Variants in RABGAP1L observed in about 807,000 individuals in gnomAD.
The protein encoded by RABGAP1L is RAB GTPase activating protein 1 like, also known as rab GTPase-activating protein 1-like.
RABGAP1L carries 63 observed loss-of-function variants against 137.7 expected under a neutral mutation model. That is an observed-to-expected ratio of 0.46 (90% CI 0.37 to 0.56). The LOEUF (loss-of-function observed/expected upper bound fraction) is 0.56. RABGAP1L is among the 20% of genes least tolerant of loss of function. The pLI is 0.00. For synonymous variants in RABGAP1L, 431 were observed against 433.7 expected, an observed-to-expected ratio of 0.99 and a Z score of 0.08; for missense variants, 1,095 against 1,244.0, an observed-to-expected ratio of 0.88 and a Z score of 1.80.
chr1:174,865,951 A>G (rs1199985753), intron 19 of RABGAP1L, among the ~76,000 whole-genome samples: 2 of 152,116 alleles, frequency 1.3e-5, no homozygotes, highest in Non-Finnish European at 2.9e-5. Context: ...GTACAAAGAG[A>G]ACAATGTAGG....
intron 13 of RABGAP1L, among the ~76,000 whole-genome samples, chr1:174,429,513 G>A (rs540773946): frequency 9.9e-5 from 15 of 152,140 alleles, no homozygotes; most frequent in Admixed American, 8.5e-4. Flanking sequence ...AGGCTGAGGC[G>A]GGTGGATCAC....
At chr1:174,834,630 G>A (rs1692544720) in intron 19 of RABGAP1L, among the ~76,000 whole-genome samples, 1 of 108,910 alleles carries the variant, frequency 9.2e-6, no homozygotes, top group African/African-American at 3.6e-5. Flanking sequence ...CCATTAACCT[G>A]TTCTTCCCAC....
chr1:174,941,623 G>A (rs761620273), intron 19 of RABGAP1L, among the ~76,000 whole-genome samples: 5 of 152,064 alleles, frequency 3.3e-5, no homozygotes, highest in African/African-American at 4.8e-5. Context: ...GGAGACCTAT[G>A]GCCATGCCTG....
chr1:174,783,821 G>A (rs1687229016), intron 18 of RABGAP1L, among the ~76,000 whole-genome samples: 1 of 146,888 alleles, frequency 6.8e-6, no homozygotes, highest in Non-Finnish European at 1.5e-5. Context: ...TGATTCTCCT[G>A]CCTCAGTCTC....
chr1:174,402,384 A>G (rs968310957), intron 13 of RABGAP1L, among the ~76,000 whole-genome samples: 14 of 152,262 alleles, frequency 9.2e-5, no homozygotes, highest in African/African-American at 2.9e-4. Flanking sequence ...GCACTATCTC[A>G]TTTCTATATA....
intron 13 of RABGAP1L, among the ~76,000 whole-genome samples, chr1:174,419,462 T>C (rs948449543): frequency 2.6e-4 from 40 of 152,230 alleles, no homozygotes; most frequent in Non-Finnish European, 5.1e-4. Flanking sequence ...TCTGGCTCAC[T>C]TTAGTTTTAA....
intron 13 of RABGAP1L, among the ~76,000 whole-genome samples, chr1:174,410,325 C>G (rs1015495231): frequency 6.6e-6 from 1 of 152,088 alleles, no homozygotes; most frequent in Non-Finnish European, 1.5e-5. Flanking sequence ...AGGTTTTCTT[C>G]TAGATTTTTA....
intron 13 of RABGAP1L, among the ~76,000 whole-genome samples, chr1:174,612,491 C>T (rs1671355308): frequency 2.0e-5 from 3 of 152,304 alleles, no homozygotes; most frequent in Admixed American, 6.5e-5. Flanking sequence ...CATCAATGTT[C>T]ACCAAGGATA....
At chr1:174,402,125 G>A (rs189992484) in intron 13 of RABGAP1L, among the ~76,000 whole-genome samples, 1 of 152,288 alleles carries the variant, frequency 6.6e-6, no homozygotes, top group Admixed American at 6.5e-5. Context: ...GAGACATTAT[G>A]TCTAGTGCTT....
chr1:174,837,690 G>T (rs1692912400), intron 19 of RABGAP1L, among the ~76,000 whole-genome samples: 1 of 152,158 alleles, frequency 6.6e-6, no homozygotes, highest in Non-Finnish European at 1.5e-5. Context: ...CTGTGTCCTG[G>T]TTGAAATTCT....
intron 13 of RABGAP1L, among the ~76,000 whole-genome samples, chr1:174,495,944 C>T (rs1260251978): frequency 1.3e-5 from 2 of 152,046 alleles, no homozygotes; most frequent in Admixed American, 6.6e-5. Context: ...GCTCTCGAAC[C>T]CTGGACACAA....
At chr1:174,983,405 G>T (rs180939268) in intron 24 of RABGAP1L, among the ~76,000 whole-genome samples, 2 of 152,238 alleles carry the variant, frequency 1.3e-5, no homozygotes, top group East Asian at 1.9e-4. Context: ...TTGTTTACTT[G>T]CTGCCCCCTG....
chr1:174,674,488 T>C (rs1237486787), intron 14 of RABGAP1L, among the ~76,000 whole-genome samples: 1 of 150,844 alleles, frequency 6.6e-6, no homozygotes, highest in Non-Finnish European at 1.5e-5. Flanking sequence ...AGTCTATCAT[T>C]ATTGGACATT....
intron 17 of RABGAP1L, among the ~76,000 whole-genome samples, chr1:174,749,597 A>C (rs1684179479): frequency 6.6e-6 from 1 of 152,138 alleles, no homozygotes; most frequent in Non-Finnish European, 1.5e-5. Context: ...TTATTATCTA[A>C]AAACCTGGAA....
chr1:174,330,700 G>A (rs1680958056), intron 11 of RABGAP1L, among the ~76,000 whole-genome samples: 1 of 152,036 alleles, frequency 6.6e-6, no homozygotes, highest in Non-Finnish European at 1.5e-5. Context: ...CAATATAAAT[G>A]AATTGAAAGA....
chr1:174,710,765 A>G (rs1489037298), intron 17 of RABGAP1L, among the ~76,000 whole-genome samples: 2 of 152,236 alleles, frequency 1.3e-5, no homozygotes, highest in African/African-American at 2.4e-5. Context: ...TGCATCAACT[A>G]ATGGACAAAA....
intron 13 of RABGAP1L, among the ~76,000 whole-genome samples, chr1:174,453,847 G>GT (rs938428116): frequency 1.3e-5 from 2 of 151,896 alleles, no homozygotes; most frequent in Non-Finnish European, 2.9e-5. Flanking sequence ...TAGTAAAAGT[G>GT]TTTTTTTAAA....
rs574248316 is a variant in RABGAP1L, at chr1:174,522,985, A to G, written c.1711-114390A>G. On this transcript the variant is annotated intron_variant, in intron 13 of 25. Transcript: ENST00000681986. ...GATTTGGGCCAGGATACACATCCAGACGATATTAGCTGGTGAATAGTAGAT... is the reference window on the plus strand; with the variant it reads ...GATTTGGGCCAGGATACACATCCAGGCGATATTAGCTGGTGAATAGTAGAT... 3.3e-5 allele frequency among the ~76,000 whole-genome samples: 5 copies of G among 152,318 alleles called. No homozygotes were observed. The South Asian group carries it at 1.0e-3, about 32-fold the overall frequency.
chr1:174,190,986 A>G (rs971721153), intron 1 of RABGAP1L, among the ~76,000 whole-genome samples: 6 of 152,210 alleles, frequency 3.9e-5, no homozygotes, highest in Non-Finnish European at 8.8e-5. Context: ...AGCAGGCAGA[A>G]CACACAGAGA....
Sources: gnomAD v4.1 joint callset for allele counts (sites outside exome capture counted in the v4.1 genomes callset) on GRCh38, gnomAD v4.1.1 for gene constraint, MANE v1.5 for transcripts, NCBI Gene and HGNC (gene_info 2026-07-23, HGNC 2026-07-21) for gene names.